The following DISP1 variants were observed in gnomAD, a reference collection of about 807,000 sequenced individuals.
DISP1 encodes dispatched RND transporter family member 1.
DISP1 carries 30 observed loss-of-function variants against 37.3 expected under a neutral mutation model. That is an observed-to-expected ratio of 0.80 (90% CI 0.60 to 1.09). The LOEUF is 1.09. Ranked by LOEUF, DISP1 falls within the 50% of genes least tolerant of loss-of-function variation. The pLI is 0.00. For missense variants in DISP1, 1,598 were observed against 1,879.5 expected (o/e 0.85, Z 2.77); for synonymous variants, 634 against 690.2 (o/e 0.92, Z 1.28).
At chr1:222,935,586 G>T (rs1312527450) in intron 2 of DISP1, among the ~76,000 whole-genome samples, 1 of 152,134 alleles carries the variant, frequency 6.6e-6, no homozygotes, top group Non-Finnish European at 1.5e-5. Flanking sequence ...GATCATTTGT[G>T]AGAAAGTGCT....
chr1:222,853,714 G>C (rs930737183), intron 1 of DISP1, among the ~76,000 whole-genome samples: 3 of 151,860 alleles, frequency 2.0e-5, no homozygotes, highest in African/African-American at 7.2e-5. Flanking sequence ...GTAAAAAGTA[G>C]AACAGAGAAT....
At chr1:222,983,247 A>G (rs915564108) in intron 4 of DISP1, 138 bp downstream of exon 4, 25 of 752,406 alleles carry the variant, frequency 3.3e-5, no homozygotes, top group Non-Finnish European at 5.5e-5. Flanking sequence ...ATGTCCCATG[A>G]GTTGGCTGCT....
intron 1 of DISP1, among the ~76,000 whole-genome samples, chr1:222,829,341 A>G (rs1665178749): frequency 6.6e-6 from 1 of 152,196 alleles, no homozygotes; most frequent in Non-Finnish European, 1.5e-5. Context: ...ATGCCAAAAC[A>G]TCTTTGTATT....
chr1:222,869,948 C>T (rs1669436462), intron 1 of DISP1, among the ~76,000 whole-genome samples: 1 of 151,910 alleles, frequency 6.6e-6, no homozygotes, highest in South Asian at 2.1e-4. Flanking sequence ...TCTCCCCCCA[C>T]CCCACAACAG....
chr1:222,856,336 T>TA (rs1434497885), intron 1 of DISP1, among the ~76,000 whole-genome samples: 1 of 152,222 alleles, frequency 6.6e-6, no homozygotes, highest in Non-Finnish European at 1.5e-5. Context: ...TATGAGTGCT[T>TA]ACTGTTTTTA....
rs192296988 is a variant in DISP1 at position 222,919,932 on chromosome 1, G to A, written c.-158-8498G>A. Among the ~76,000 whole-genome samples the A allele has an allele frequency of 6.6e-5, 10 of 152,240 alleles. No homozygotes were observed. The East Asian group carries it at 1.9e-3, about 29-fold the overall frequency. On this transcript the variant is annotated intron_variant, in intron 1 of 8. Transcript: ENST00000675850. ...TTCATTTTATTTTTGGGAATGTGAT[G>A]TGTCATTTTCTTAATGTTGCTGTAA... is the stretch of plus-strand genomic sequence containing the variant.
At chr1:222,874,914 T>A (rs1377048683) in intron 1 of DISP1, among the ~76,000 whole-genome samples, 1 of 152,226 alleles carries the variant, frequency 6.6e-6, no homozygotes, top group Non-Finnish European at 1.5e-5. Context: ...TCTTTGATGA[T>A]GGTGACATAC....
intron 1 of DISP1, among the ~76,000 whole-genome samples, chr1:222,913,037 A>G (rs1376830958): frequency 1.3e-5 from 2 of 152,354 alleles, no homozygotes; most frequent in African/African-American, 4.8e-5. Flanking sequence ...GAAAACAAAA[A>G]CAAGAACTTT....
chr1:222,978,928 G>T (rs1024620773), intron 3 of DISP1, among the ~76,000 whole-genome samples: 4 of 152,194 alleles, frequency 2.6e-5, no homozygotes, highest in Non-Finnish European at 5.9e-5. Context: ...CTGTAGCCTT[G>T]TAGTATAGTT....
chr1:222,837,660 G>T (rs1223072522), intron 1 of DISP1, among the ~76,000 whole-genome samples: 2 of 151,974 alleles, frequency 1.3e-5, no homozygotes, highest in African/African-American at 2.4e-5. Flanking sequence ...TTTAACAGAG[G>T]TATATAAAAT....
chr1:222,837,136 T>C, intron 1 of DISP1: 1 of 398,286 alleles, frequency 2.5e-6, no homozygotes, highest in Non-Finnish European at 4.4e-6. Context: ...TGCGGGCAAC[T>C]TTTTGGGTCA....
rs141531193 is a variant in DISP1 at position 222,866,053 on chromosome 1, G to A, written c.-159+50975G>A. On this transcript the variant is annotated intron_variant, in intron 1 of 8. Coordinates refer to ENST00000675850, the MANE Select transcript of DISP1 (RefSeq NM_001377229.1). ...CCACCTCGGGTAACTGAGGGTCAGTGTTGACCTCAGTAGGTCAATGTCTAG... is the reference window on the plus strand; with the variant it reads ...CCACCTCGGGTAACTGAGGGTCAGTATTGACCTCAGTAGGTCAATGTCTAG... Among the ~76,000 whole-genome samples, 424 of 152,164 alleles carry A rather than the reference G, an allele frequency of 2.8e-3. 3 individuals are homozygous for A. The highest frequency in any genetic ancestry group is 1.0e-2 in the African/African-American group (415 of 41,518).
intron 1 of DISP1, among the ~76,000 whole-genome samples, chr1:222,885,580 T>TGA (rs780158990): frequency 6.6e-5 from 10 of 151,894 alleles, no homozygotes; most frequent in Middle Eastern, 3.4e-3. Context: ...GTGATCCTCC[T>TGA]GCCTCAGCCT....
intron 8 of DISP1, among the ~76,000 whole-genome samples, chr1:223,000,227 G>A (rs1679338508): frequency 6.6e-6 from 1 of 152,078 alleles, no homozygotes; most frequent in African/African-American, 2.4e-5. Flanking sequence ...TCAGACATTG[G>A]GGTTGCATTA....
chr1:222,850,422 C>CTT (rs35375396), intron 1 of DISP1, among the ~76,000 whole-genome samples: 1 of 151,236 alleles, frequency 6.6e-6, no homozygotes, highest in African/African-American at 2.4e-5. Context: ...AACTGCTACA[C>CTT]TTTTTTTTTC....
chr1:222,983,361 T>C (rs914095216), intron 4 of DISP1, among the ~76,000 whole-genome samples: 20 of 152,200 alleles, frequency 1.3e-4, no homozygotes, highest in African/African-American at 4.6e-4. Context: ...CTCATGCTTG[T>C]AATCCCAGCA....
At position 222,936,911 on chromosome 1, in the gene DISP1, AT is replaced by A. The variant is rs1572555281; in HGVS notation, c.-17-5894del. On this transcript the variant is annotated intron_variant, in intron 2 of 8. Transcript: ENST00000675850. ...ATAATATATTATTTATATATAATAT[AT>A]TATATATTATATAATATGTAATATA... Among the ~76,000 whole-genome samples, 8 of 95,432 alleles carry A rather than the reference AT, an allele frequency of 8.4e-5. No homozygotes were observed. The East Asian group carries it at 1.3e-3, about 15-fold the overall frequency. The allele number at this position is 95,432 out of a possible 152,430, so 62.6% of individuals were successfully genotyped here.
At chr1:222,890,762 G>A (rs1016626553) in intron 1 of DISP1, among the ~76,000 whole-genome samples, 2 of 152,084 alleles carry the variant, frequency 1.3e-5, no homozygotes, top group African/African-American at 4.8e-5. Context: ...GGCTATGAGG[G>A]AGAATCTGTT....
intron 3 of DISP1, among the ~76,000 whole-genome samples, chr1:222,961,391 C>A (rs541936958): frequency 6.6e-6 from 1 of 152,132 alleles, no homozygotes; most frequent in Non-Finnish European, 1.5e-5. Flanking sequence ...TCAATAGATA[C>A]AGAAAAGGCC....
Sources: allele counts gnomAD v4.1 joint callset (sites outside exome capture counted in the v4.1 genomes callset), GRCh38; gene constraint gnomAD v4.1.1; transcripts MANE v1.5; gene names NCBI Gene and HGNC (gene_info 2026-07-23, HGNC 2026-07-21).